Variants in PSD3 observed in about 807,000 individuals in gnomAD.
PSD3 encodes pleckstrin and Sec7 domain containing 3.
In PSD3, 49 loss-of-function variants were observed where a neutral mutation model predicts 105.5. The ratio of observed to expected loss-of-function variants is 0.46; its 90% CI spans 0.37 to 0.59. PSD3 has a LOEUF of 0.59. Ranked by LOEUF, PSD3 falls within the 20% of genes least tolerant of loss-of-function variation. The pLI, the probability that PSD3 is intolerant of heterozygous loss-of-function variation, is 0.00. For missense variants in PSD3, 1,561 were observed against 1,263.8 expected, an observed-to-expected ratio of 1.24 and a Z score of -3.57; for synonymous variants, 557 against 457.8, an observed-to-expected ratio of 1.22 and a Z score of -2.77.
chr8:18,974,907 GA>G (rs1007946928), intron 1 of PSD3, among the ~76,000 whole-genome samples: 2 of 150,530 alleles, frequency 1.3e-5, no homozygotes, highest in African/African-American at 2.4e-5. Flanking sequence ...AGGTCAAAGG[GA>G]AAAAAAAATA....
At chr8:18,873,419 A>G (rs1817522683) in intron 2 of PSD3, among the ~76,000 whole-genome samples, 1 of 151,986 alleles carries the variant, frequency 6.6e-6, no homozygotes. Context: ...CCAATTGACA[A>G]AAGTTTGTTT....
intron 9 of PSD3, among the ~76,000 whole-genome samples, chr8:18,716,346 T>G (rs548248858): frequency 2.0e-5 from 3 of 152,292 alleles, no homozygotes; most frequent in Admixed American, 2.0e-4. Flanking sequence ...AATATAGTTT[T>G]TACCTTTCCG....
At chr8:18,865,398 T>C (rs1432444148) in intron 4 of PSD3, among the ~76,000 whole-genome samples, 16 of 149,510 alleles carry the variant, frequency 1.1e-4, no homozygotes, top group African/African-American at 3.4e-4. Flanking sequence ...TTACAACTTC[T>C]CCAAATCAGC....
At chr8:18,965,114 T>A (rs7819303) in intron 1 of PSD3, among the ~76,000 whole-genome samples, 2,193 of 152,326 alleles carry the variant, frequency 0.014, 67 homozygotes, top group African/African-American at 0.05. Context: ...TTTTATAGTT[T>A]AAAATTATAT....
intron 1 of PSD3, among the ~76,000 whole-genome samples, chr8:18,956,915 G>A (rs1823604200): frequency 1.3e-5 from 2 of 152,116 alleles, no homozygotes; most frequent in Admixed American, 6.5e-5. Flanking sequence ...TGGCAACCAG[G>A]ACTCCAGTTG....
intron 1 of PSD3, among the ~76,000 whole-genome samples, chr8:19,067,524 C>T (rs73206459): frequency 3.8e-3 from 581 of 152,270 alleles, no homozygotes; most frequent in Non-Finnish European, 6.9e-3. Context: ...GAGTATAACT[C>T]GAACAGCTTG....
intron 11 of PSD3, among the ~76,000 whole-genome samples, chr8:18,600,782 G>A (rs570040201): frequency 6.6e-6 from 1 of 152,290 alleles, no homozygotes; most frequent in East Asian, 1.9e-4. Context: ...AGCACAGGAA[G>A]CATACTGGAA....
At chr8:18,575,673 C>G (rs1546003) in intron 12 of PSD3, among the ~76,000 whole-genome samples, 1 of 152,118 alleles carries the variant, frequency 6.6e-6, no homozygotes, top group East Asian at 1.9e-4. Context: ...GTTAAAAGCA[C>G]AACCTTACAG....
intron 1 of PSD3, among the ~76,000 whole-genome samples, chr8:18,954,703 T>C (rs1162463262): frequency 6.6e-6 from 1 of 152,150 alleles, no homozygotes; most frequent in Non-Finnish European, 1.5e-5. Context: ...TAAACTTGGG[T>C]ATATCTGAGA....
intron 1 of PSD3, among the ~76,000 whole-genome samples, chr8:18,958,031 A>G (rs1407395949): frequency 6.6e-6 from 1 of 152,212 alleles, no homozygotes; most frequent in Non-Finnish European, 1.5e-5. Context: ...ACTCTTAATA[A>G]TTTATTCCAC....
At chr8:18,836,719 T>A (rs1354887389) in intron 4 of PSD3, among the ~76,000 whole-genome samples, 1 of 152,156 alleles carries the variant, frequency 6.6e-6, no homozygotes, top group Admixed American at 6.5e-5. Flanking sequence ...CATCTCTAGA[T>A]TACTGATAAT....
At chr8:18,702,420 T>C (rs1393564106) in intron 9 of PSD3, among the ~76,000 whole-genome samples, 1 of 152,230 alleles carries the variant, frequency 6.6e-6, no homozygotes, top group Non-Finnish European at 1.5e-5. Flanking sequence ...TAATTGGTAC[T>C]GTTTTCCCCT....
At chr8:18,572,455 C>CA in intron 14 of PSD3, 73 bp downstream of exon 14, 1 of 1,546,692 alleles carries the variant, frequency 6.5e-7, no homozygotes, top group South Asian at 1.2e-5. Flanking sequence ...GACTACTATC[C>CA]AAAGACAAAT....
chr8:18,865,268 ATATATATATATATATATATTTTTTT>A (rs1816813387), intron 4 of PSD3: 3 of 2,652 alleles, frequency 1.1e-3, no homozygotes, highest in Non-Finnish European at 6.6e-4. Flanking sequence ...ATATATATAT[ATATATATATATATATATATTTTTTT>A]TTTTTTTTTT....
chr8:18,753,528 T>C (rs1390032590), intron 9 of PSD3, among the ~76,000 whole-genome samples: 10 of 152,076 alleles, frequency 6.6e-5, no homozygotes, highest in Admixed American at 6.5e-4. Flanking sequence ...GCACAAAAAC[T>C]ATGCTGCTAT....
Position 18,632,641 on chromosome 8 carries a change from T to A in PSD3, c.2382A>T (p.Lys794Asn). 1 of 1,612,312 alleles carries A rather than the reference T, an allele frequency of 6.2e-7. No homozygotes were observed. The highest frequency in any genetic ancestry group is 8.5e-7 in the Non-Finnish European group (1 of 1,178,984). Residue 794 changes from lysine to asparagine, a missense_variant, in exon 11 of 16, where the codon AAA becomes AAT. Transcript: ENST00000327040. ...TCTTTCCATCCATATCTGCATGAAT[T>A]TTCCGAGCCAAGAATCCACTTTTGT... ...AVYKSGFLARKIHADMDGKKT... is the reference protein window; with the variant it reads ...AVYKSGFLARNIHADMDGKKT...
intron 8 of PSD3, among the ~76,000 whole-genome samples, chr8:18,783,179 C>G (rs1045697088): frequency 2.6e-5 from 4 of 152,164 alleles, no homozygotes; most frequent in Non-Finnish European, 5.9e-5. Context: ...TGCTAAGGAT[C>G]TATTCAGGTT....
chr8:18,766,523 T>C (rs1807015981), intron 8 of PSD3, among the ~76,000 whole-genome samples: 1 of 152,156 alleles, frequency 6.6e-6, no homozygotes, highest in Non-Finnish European at 1.5e-5. Context: ...ATAATACAGT[T>C]TTTAATGAAA....
chr8:19,043,566 GT>G (rs1384670176), intron 1 of PSD3, among the ~76,000 whole-genome samples: 19 of 152,188 alleles, frequency 1.2e-4, no homozygotes, highest in Non-Finnish European at 7.3e-5. Flanking sequence ...CATTTCTATG[GT>G]TTGAGCGTTT....
Sources: gnomAD v4.1 joint callset for allele counts (sites outside exome capture counted in the v4.1 genomes callset) on GRCh38, gnomAD v4.1.1 for gene constraint, MANE v1.5 for transcripts, NCBI Gene and HGNC (gene_info 2026-07-23, HGNC 2026-07-21) for gene names.